Variants in COL21A1 observed in about 807,000 individuals in gnomAD.
The protein encoded by COL21A1 is collagen alpha-1(XXI) chain.
A neutral mutation model predicts 137.9 loss-of-function variants in COL21A1; 149 were observed. The ratio of observed to expected loss-of-function variants is 1.08; its 90% CI spans 0.95 to 1.24. COL21A1 has a LOEUF of 1.24. Ranked by LOEUF, COL21A1 falls within the 50% of genes most tolerant of loss-of-function variation. The pLI is 0.00. For missense variants in COL21A1, 1,167 were observed against 1,158.4 expected, an observed-to-expected ratio of 1.01 and a Z score of -0.11; for synonymous variants, 456 against 391.5, an observed-to-expected ratio of 1.16 and a Z score of -1.95.
chr6:56,158,253 C>CTTT (rs59381031), intron 9 of COL21A1, among the ~76,000 whole-genome samples: 39 of 104,876 alleles, frequency 3.7e-4, no homozygotes, highest in African/African-American at 6.6e-4. Context: ...TGGGTTTTTT[C>CTTT]TTTTTTTTTT....
chr6:56,074,113 C>T (rs776707837), intron 20 of COL21A1, 119 bp downstream of exon 20: 2 of 631,404 alleles, frequency 3.2e-6, no homozygotes, highest in Non-Finnish European at 5.2e-6. Context: ...GATTTTTTTT[C>T]ATAGAATAAA....
At position 56,101,607 on chromosome 6, in the gene COL21A1, T is replaced by C. The variant is rs73461311; in HGVS notation, c.1759-82A>G. On this transcript the variant is annotated intron_variant, in intron 16 of 29. Coordinates refer to ENST00000244728, the MANE Select transcript of COL21A1 (RefSeq NM_030820.4). Reference sequence around the variant, plus strand: ...AAATAACAATATATAACATTACATATTAAAGAACATTAAATACAAACAGAA... The same window carrying C: ...AAATAACAATATATAACATTACATACTAAAGAACATTAAATACAAACAGAA... 5.5e-3 allele frequency: 5,096 copies of C among 918,934 alleles called. 180 individuals are homozygous for C. The African/African-American group carries it at 0.076, about 14-fold the overall frequency. 56.9% of individuals were successfully genotyped at this position (918,934 alleles called of 1,614,324 possible).
intron 12 of COL21A1, among the ~76,000 whole-genome samples, chr6:56,126,958 A>G (rs1230785762): frequency 6.6e-6 from 1 of 152,206 alleles, no homozygotes; most frequent in African/African-American, 2.4e-5. Flanking sequence ...TTATTGATTC[A>G]TATGATTTAA....
intron 17 of COL21A1, among the ~76,000 whole-genome samples, chr6:56,081,941 A>T (rs1013925574): frequency 6.6e-6 from 1 of 151,928 alleles, no homozygotes; most frequent in Non-Finnish European, 1.5e-5. Context: ...GCTACAAAAA[A>T]AGAGAACAAA....
chr6:56,210,161 C>T (rs981473732), intron 1 of COL21A1, among the ~76,000 whole-genome samples: 13 of 151,930 alleles, frequency 8.6e-5, no homozygotes, highest in African/African-American at 4.8e-5. Flanking sequence ...ACGCAGATGA[C>T]GATTTGATGG....
chr6:56,125,457 G>A, intron 14 of COL21A1, 110 bp downstream of exon 14: 3 of 660,024 alleles, frequency 4.5e-6, no homozygotes, highest in Non-Finnish European at 7.5e-6. Flanking sequence ...CCTAAGAAGG[G>A]TGAACAGAGC....
intron 1 of COL21A1, among the ~76,000 whole-genome samples, chr6:56,193,776 GAGA>G (rs1778852223): frequency 8.5e-5 from 6 of 70,446 alleles, no homozygotes; most frequent in African/African-American, 1.7e-4. Context: ...TTTTTTTTTT[GAGA>G]AGGAGTCTCA....
At chr6:56,210,706 A>G (rs1780101890) in intron 1 of COL21A1, among the ~76,000 whole-genome samples, 1 of 152,210 alleles carries the variant, frequency 6.6e-6, no homozygotes, top group South Asian at 2.1e-4. Context: ...GCCAATAAAA[A>G]GTAAAACTTG....
rs551920290 is a variant in COL21A1, at chr6:56,325,101, T to A, written c.-39+68870A>T. 8.0e-5 allele frequency among the ~76,000 whole-genome samples: 12 copies of A among 149,440 alleles called. No individual in the cohort carries two copies. In the South Asian group the frequency reaches 2.5e-3, roughly 31 times the overall value. ...AAGCCCAGCATAATAATACTCAGGT[T>A]CACCTGTTTCTCAGGGTCTTTATTC... On this transcript the variant is annotated intron_variant, in intron 1 of 28. Coordinates refer to the COL21A1 transcript ENST00000370819.
intron 1 of COL21A1, among the ~76,000 whole-genome samples, chr6:56,370,422 C>A (rs533026188): frequency 2.4e-4 from 36 of 152,338 alleles, no homozygotes; most frequent in African/African-American, 8.2e-4. Flanking sequence ...ATTTGACACA[C>A]CAGCTAAATA....
chr6:56,099,327 G>A (rs1291829118), intron 17 of COL21A1, among the ~76,000 whole-genome samples: 1 of 147,562 alleles, frequency 6.8e-6, no homozygotes, highest in Non-Finnish European at 1.5e-5. Flanking sequence ...TCCGCCTCCC[G>A]GTTTCACACC....
intron 1 of COL21A1, among the ~76,000 whole-genome samples, chr6:56,228,227 G>T (rs562176477): frequency 6.6e-6 from 1 of 151,992 alleles, no homozygotes; most frequent in African/African-American, 2.4e-5. Context: ...ATTTTAGAAA[G>T]CTCACAATGG....
Position 56,338,074 on chromosome 6 carries a change from T to C in COL21A1, c.-39+55897A>G, listed in dbSNP as rs1429297970. Among the ~76,000 whole-genome samples, 10 of 150,828 alleles carry C rather than the reference T, an allele frequency of 6.6e-5. No individual in the cohort carries two copies. In the East Asian group the frequency reaches 2.0e-3, roughly 30 times the overall value. Reference sequence around the variant, plus strand: ...GCCTCCCGGGTTCAAGCGATTCTCCTGCCTCATCCTCCCAAGTAGCTGGGA... The same window carrying C: ...GCCTCCCGGGTTCAAGCGATTCTCCCGCCTCATCCTCCCAAGTAGCTGGGA... On this transcript the variant is annotated intron_variant, in intron 1 of 28. Transcript: ENST00000370819.
At chr6:56,322,705 C>G (rs1764898551) in intron 1 of COL21A1, among the ~76,000 whole-genome samples, 1 of 151,972 alleles carries the variant, frequency 6.6e-6, no homozygotes, top group Admixed American at 6.6e-5. Context: ...ACAAGATATT[C>G]CATTTGGTTG....
chr6:56,200,120 G>A (rs957001455), intron 1 of COL21A1, among the ~76,000 whole-genome samples: 1 of 152,142 alleles, frequency 6.6e-6, no homozygotes. Context: ...CATTGATGGA[G>A]TAAGTTTGGT....
intron 1 of COL21A1, among the ~76,000 whole-genome samples, chr6:56,277,595 A>C (rs182592935): frequency 6.6e-6 from 1 of 152,326 alleles, no homozygotes; most frequent in East Asian, 1.9e-4. Flanking sequence ...GTGGCACCAT[A>C]ATTTATAAAA....
intron 1 of COL21A1, among the ~76,000 whole-genome samples, chr6:56,186,448 A>C (rs1778308755): frequency 1.3e-5 from 2 of 152,220 alleles, no homozygotes; most frequent in Non-Finnish European, 2.9e-5. Flanking sequence ...TAAGTAGCTA[A>C]GGATACATTC....
chr6:56,168,101 A>G, intron 6 of COL21A1, 23 bp downstream of exon 6: 7 of 1,420,850 alleles, frequency 4.9e-6, no homozygotes, highest in Non-Finnish European at 6.6e-6. Flanking sequence ...TATAATTCAA[A>G]GAGTAAATCA....
chr6:56,329,703 C>T (rs185793535), intron 1 of COL21A1, among the ~76,000 whole-genome samples: 3 of 152,186 alleles, frequency 2.0e-5, no homozygotes, highest in African/African-American at 7.2e-5. Context: ...TGGAAGGCAT[C>T]AAACTGTCAG....
Sources: allele counts gnomAD v4.1 joint callset (sites outside exome capture counted in the v4.1 genomes callset), GRCh38; gene constraint gnomAD v4.1.1; transcripts MANE v1.5; gene names NCBI Gene and HGNC (gene_info 2026-07-23, HGNC 2026-07-21).